C11orf16: variants seen among roughly 807,000 people sequenced by gnomAD.
C11orf16 encodes uncharacterized protein C11orf16.
A neutral mutation model predicts 45.1 loss-of-function variants in C11orf16; 38 were observed. The ratio of observed to expected loss-of-function variants is 0.84; its 90% confidence interval spans 0.65 to 1.10. The LOEUF (loss-of-function observed/expected upper bound fraction) is 1.10, where lower values mean the gene tolerates loss of function less well. C11orf16 is among the 50% of genes least tolerant of loss of function. C11orf16 has a pLI of 0.00. For missense variants in C11orf16, 583 were observed against 569.5 expected (o/e 1.02, Z -0.24); for synonymous variants, 221 against 222.0 (o/e 1.00, Z 0.04).
In C11orf16 at chr11:8,929,442, A is replaced by G. The variant is rs2134838312; in HGVS notation, c.259T>C (p.Trp87Arg). ...LGRAGDAANT[W>R]VLARREADGF... ...TCTGCTTCCCTTCTTGCTAGGACCC[A>G]TGTGTTGGCAGCATCTCCAGCTCTT... Residue 87 changes from tryptophan (W) to arginine (R), a missense_variant, in exon 3 of 7, where the codon TGG (tryptophan) becomes CGG (arginine). Transcript: ENST00000326053. The G allele has an allele frequency of 6.2e-7, 1 of 1,614,082 alleles. No homozygotes were observed. The highest frequency in any genetic ancestry group is 1.1e-5 in the South Asian group (1 of 91,076).
chr11:8,922,087 C>G (rs1181268906), intron 5 of C11orf16, among the ~76,000 whole-genome samples: 5 of 152,190 alleles, frequency 3.3e-5, no homozygotes, highest in African/African-American at 1.2e-4. Flanking sequence ...TTGGATGTGT[C>G]TTCTAAACTG....
chr11:8,929,165 G>T (rs1037336557), intron 3 of C11orf16: 25 of 518,316 alleles, frequency 4.8e-5, no homozygotes, highest in African/African-American at 1.9e-4. Flanking sequence ...CATTTCTGTG[G>T]TTTAAGCCAC....
intron 3 of C11orf16, among the ~76,000 whole-genome samples, chr11:8,927,992 C>G (rs2064626202): frequency 6.6e-6 from 1 of 152,132 alleles, no homozygotes; most frequent in Non-Finnish European, 1.5e-5. Flanking sequence ...ACTGCAACCT[C>G]TGCCTCCTGG....
chr11:8,920,505 T>C, intron 6 of C11orf16, 55 bp from the exon 7 acceptor site: 1 of 636,032 alleles, frequency 1.6e-6, no homozygotes. Flanking sequence ...ATTTTAAGAA[T>C]CAAAAGTCAC....
chr11:8,927,940 G>T (rs963423576), intron 3 of C11orf16, among the ~76,000 whole-genome samples: 4 of 151,840 alleles, frequency 2.6e-5, no homozygotes, highest in African/African-American at 4.8e-5. Context: ...ACGGAGTTTC[G>T]CTCGTCACCC....
intron 2 of C11orf16, among the ~76,000 whole-genome samples, chr11:8,929,775 A>G (rs1207634541): frequency 6.6e-6 from 1 of 152,230 alleles, no homozygotes; most frequent in East Asian, 1.9e-4. Context: ...CAAGGCAACC[A>G]AAATGTAATT....
intron 4 of C11orf16, among the ~76,000 whole-genome samples, 168 bp from the exon 5 acceptor site, chr11:8,926,275 C>G (rs1326226135): frequency 5.5e-5 from 8 of 145,344 alleles, no homozygotes; most frequent in African/African-American, 2.0e-4. Context: ...ACCTCCCAGG[C>G]TCAAGCCATC....
intron 4 of C11orf16, 65 bp from the exon 5 acceptor site, chr11:8,926,172 CTTTTTTTCTTTTCTT>C: frequency 1.9e-6 from 2 of 1,057,544 alleles, no homozygotes; most frequent in African/African-American, 3.3e-5. Context: ...TTTCTTTTTT[CTTTTTTTCTTTTCTT>C]TTTTTTTTTT....
rs748703844 is a variant in C11orf16, at chr11:8,925,672, A to C, written c.995T>G (p.Leu332Arg). Residue 332 changes from leucine (L) to arginine (R), a missense_variant, in exon 5 of 7, where the codon CTG becomes CGG. Coordinates refer to ENST00000326053, the MANE Select transcript of C11orf16 (RefSeq NM_020643.3). ...GGAGGATGAGGAGGAAGAAACAGCC[A>C]GGGGAGCGTGCATTGCTACTTTCTC... ...KEEKVAMHAP[L>R]AVSSSSSSSC... is the part of the protein sequence containing the mutation. 2.5e-6 allele frequency: 4 copies of C among 1,614,272 alleles called. No individual in the cohort carries two copies. The highest frequency in any genetic ancestry group is 2.5e-6 in the Non-Finnish European group (3 of 1,180,048).
chr11:8,922,338 C>T (rs945612858), intron 5 of C11orf16, among the ~76,000 whole-genome samples: 2 of 151,734 alleles, frequency 1.3e-5, no homozygotes, highest in African/African-American at 4.8e-5. Context: ...GTGCCACTGC[C>T]CACCAGCCTG....
chr11:8,930,090 A>C (rs1307285669), intron 2 of C11orf16, among the ~76,000 whole-genome samples: 1 of 151,876 alleles, frequency 6.6e-6, no homozygotes, highest in Non-Finnish European at 1.5e-5. Flanking sequence ...ACTGCACTCC[A>C]GCCTGGGTGA....
chr11:8,928,301 C>G (rs1335663946), intron 3 of C11orf16, among the ~76,000 whole-genome samples: 1 of 145,482 alleles, frequency 6.9e-6, no homozygotes, highest in Non-Finnish European at 1.5e-5. Flanking sequence ...CAAAGTAAGT[C>G]TGACTCTGAA....
At chr11:8,925,400 G>T in intron 5 of C11orf16, 63 bp downstream of exon 5, 1 of 1,433,600 alleles carries the variant, frequency 7.0e-7, no homozygotes, top group Non-Finnish European at 9.5e-7. Flanking sequence ...GGGACATGTG[G>T]GAGGGAAGGG....
Position 8,925,963 on chromosome 11 carries a change from C to T in C11orf16, c.704G>A (p.Arg235Lys). Residue 235 changes from arginine (R) to lysine (K), a missense_variant, in exon 5 of 7, where the codon AGG (arginine) becomes AAG (lysine). Arg to Lys is a conservative substitution (Grantham distance 26). Coordinates refer to ENST00000326053, the MANE Select transcript of C11orf16 (RefSeq NM_020643.3). ...GCAGCAAGGGGCCCAGTGAAGGGGC[C>T]TGGGGTGCTCCCTGGTGAAAGACTT... ...LHKSFTREHP[R>K]PLHWAPCCSL... 1 of 1,614,094 alleles carries T rather than the reference C, an allele frequency of 6.2e-7. No individual in the cohort carries two copies. The highest frequency in any genetic ancestry group is 8.5e-7 in the Non-Finnish European group (1 of 1,180,002).
chr11:8,923,401 G>C (rs2064587658), intron 5 of C11orf16, among the ~76,000 whole-genome samples: 1 of 152,212 alleles, frequency 6.6e-6, no homozygotes, highest in African/African-American at 2.4e-5. Context: ...TCTCTGTTGG[G>C]TAGGTACAGC....
At chr11:8,922,266 G>A (rs1165453951) in intron 5 of C11orf16, among the ~76,000 whole-genome samples, 2 of 152,126 alleles carry the variant, frequency 1.3e-5, no homozygotes, top group Non-Finnish European at 2.9e-5. Context: ...CCGACTATTT[G>A]GGAGGCTGAG....
chr11:8,926,425 G>C (rs1323464726), intron 4 of C11orf16, among the ~76,000 whole-genome samples: 1 of 152,070 alleles, frequency 6.6e-6, no homozygotes, highest in Non-Finnish European at 1.5e-5. Flanking sequence ...TCTCCGTGGA[G>C]AGCCTGCCAG....
chr11:8,920,592 C>G (rs2064564607), intron 6 of C11orf16, 142 bp from the exon 7 acceptor site: 1 of 530,518 alleles, frequency 1.9e-6, no homozygotes, highest in African/African-American at 2.0e-5. Flanking sequence ...GAAACCAAGG[C>G]AGGAAGATCA....
intron 3 of C11orf16, chr11:8,927,730 G>C (rs1377059756): frequency 4.4e-6 from 2 of 452,848 alleles, no homozygotes; most frequent in African/African-American, 4.0e-5. Flanking sequence ...AATAGCAAAA[G>C]TGAGAGAACA....
Sources: gnomAD v4.1 joint callset for allele counts (sites outside exome capture counted in the v4.1 genomes callset) on GRCh38, gnomAD v4.1.1 for gene constraint, MANE v1.5 for transcripts, NCBI Gene and HGNC (gene_info 2026-07-23, HGNC 2026-07-21) for gene names.